The following RBPJ variants were observed in gnomAD, a reference collection of about 807,000 sequenced individuals.
RBPJ encodes recombining binding protein suppressor of hairless.
A neutral mutation model predicts 67.8 loss-of-function variants in RBPJ; 9 were observed. The ratio of observed to expected loss-of-function variants is 0.13; its 90% CI spans 0.08 to 0.23. RBPJ has a LOEUF of 0.23. Ranked by LOEUF, RBPJ falls within the 10% of genes least tolerant of loss-of-function variation. The probability of loss-of-function intolerance (pLI) is 1.00; values close to 1 mark genes in which losing one functional copy is unlikely to be tolerated. For missense variants in RBPJ, 305 were observed against 595.6 expected (o/e 0.51, Z 5.08); for synonymous variants, 198 against 203.3 (o/e 0.97, Z 0.22).
At chr4:26,237,323 C>CA (rs998957258) in intron 1 of RBPJ, among the ~76,000 whole-genome samples, 12 of 149,358 alleles carry the variant, frequency 8.0e-5, no homozygotes, top group African/African-American at 2.7e-4. Context: ...AACACTACTG[C>CA]AAAAAAAATA....
intron 1 of RBPJ, among the ~76,000 whole-genome samples, chr4:26,210,876 C>A (rs762929214): frequency 6.7e-6 from 1 of 150,320 alleles, no homozygotes; most frequent in Non-Finnish European, 1.5e-5. Context: ...TACTTTCAAC[C>A]GAAGAGCCTG....
chr4:26,145,266 G>A, the RBPJ span, among the ~76,000 whole-genome samples: 1 of 152,108 alleles, frequency 6.6e-6, no homozygotes, highest in African/African-American at 2.4e-5. Flanking sequence ...GTTGGAGTGG[G>A]TGGAGTCTTC....
At chr4:26,160,597 T>C (rs1042892510), upstream of RBPJ, among the ~76,000 whole-genome samples, 3 of 152,234 alleles carry the variant, frequency 2.0e-5, no homozygotes, top group African/African-American at 7.2e-5. Flanking sequence ...TTAGTTCTTG[T>C]ACATGTCCAC....
At chr4:26,302,770 A>G (rs1722113794) in intron 1 of RBPJ, among the ~76,000 whole-genome samples, 1 of 152,176 alleles carries the variant, frequency 6.6e-6, no homozygotes, top group African/African-American at 2.4e-5. Context: ...ATCAAATGAG[A>G]TCATCTCCAT....
chr4:26,169,806 C>T lies in RBPJ; in HGVS notation c.-167+6192C>T, dbSNP rs563106487. The stretch of plus-strand genomic sequence containing the variant: ...GGCGCCCCTCCCCCAGCCTCGCTGC[C>T]GCCTTGCAGTTTGATCTCAGACTGC... On this transcript the variant is annotated intron_variant, in intron 1 of 4. Transcript: ENST00000512351. 3.5e-4 allele frequency among the ~76,000 whole-genome samples: 53 copies of T among 152,330 alleles called. No homozygotes were observed. The South Asian group carries it at 3.7e-3, about 11-fold the overall frequency.
intron 1 of RBPJ, among the ~76,000 whole-genome samples, chr4:26,267,290 C>T (rs1720735137): frequency 6.6e-6 from 1 of 152,080 alleles, no homozygotes. Context: ...TACAGTCCAG[C>T]CTCCCAGAGT....
chr4:26,108,365 G>T, the RBPJ span, among the ~76,000 whole-genome samples: 1 of 152,254 alleles, frequency 6.6e-6, no homozygotes, highest in Non-Finnish European at 1.5e-5. Context: ...CTGAGAATCA[G>T]TGGGCAGTTC....
intron 1 of RBPJ, among the ~76,000 whole-genome samples, chr4:26,188,834 T>C (rs1195392742): frequency 6.6e-6 from 1 of 152,224 alleles, no homozygotes; most frequent in Non-Finnish European, 1.5e-5. Flanking sequence ...ATAAGATAGA[T>C]TACTAAAGAG....
intron 1 of RBPJ, among the ~76,000 whole-genome samples, chr4:26,215,207 AAAG>A (rs1718650255): frequency 7.6e-5 from 4 of 52,968 alleles, no homozygotes; most frequent in African/African-American, 3.4e-4. Flanking sequence ...AAAGAGAGAG[AAAG>A]AAAGAGAAAA....
chr4:26,372,303 A>T (rs1052735357), intron 1 of RBPJ, among the ~76,000 whole-genome samples: 1 of 152,250 alleles, frequency 6.6e-6, no homozygotes, highest in Non-Finnish European at 1.5e-5. Context: ...TGCTGTAGAC[A>T]GTAGAGACAC....
intron 4 of RBPJ, among the ~76,000 whole-genome samples, chr4:26,418,687 C>T (rs115968169): frequency 6.6e-6 from 1 of 152,174 alleles, no homozygotes; most frequent in African/African-American, 2.4e-5. Context: ...GCCATCTCAA[C>T]ATTTTTAAGC....
intron 1 of RBPJ, among the ~76,000 whole-genome samples, chr4:26,170,542 T>TA (rs147313399): frequency 0.43 from 53,350 of 125,502 alleles, 11,111 homozygotes; most frequent in Non-Finnish European, 0.51. Context: ...AGGCCCTGTC[T>TA]AAAAAAAAAA....
chr4:26,172,477 TC>T (rs1224192731), intron 1 of RBPJ, among the ~76,000 whole-genome samples: 1 of 152,138 alleles, frequency 6.6e-6, no homozygotes, highest in Non-Finnish European at 1.5e-5. Context: ...CTGAAAAGTC[TC>T]CTCCTGGGAA....
At chr4:26,294,516 A>G (rs960976864) in intron 1 of RBPJ, among the ~76,000 whole-genome samples, 3 of 152,136 alleles carry the variant, frequency 2.0e-5, no homozygotes, top group African/African-American at 7.2e-5. Context: ...AGAAGCAGGG[A>G]AGGTAACACA....
chr4:26,110,150 C>T, the RBPJ span, among the ~76,000 whole-genome samples: 1 of 152,186 alleles, frequency 6.6e-6, no homozygotes, highest in Non-Finnish European at 1.5e-5. The surrounding 1 kb of genome is among the most constrained non-coding windows in gnomAD (Gnocchi z 4.5). Flanking sequence ...GTCAATTTCT[C>T]TGTACTTCTT....
chr4:26,183,674 T>G (rs1303225247), intron 1 of RBPJ, among the ~76,000 whole-genome samples: 1 of 152,202 alleles, frequency 6.6e-6, no homozygotes, highest in Non-Finnish European at 1.5e-5. Context: ...CCAGCAGCCT[T>G]CTTACCAGGA....
chr4:26,312,420 C>T (rs931883650), intron 1 of RBPJ, among the ~76,000 whole-genome samples: 2 of 152,120 alleles, frequency 1.3e-5, no homozygotes, highest in African/African-American at 2.4e-5. Flanking sequence ...TGTGAGCCAC[C>T]ATGCCCGGCC....
chr4:26,226,516 G>T (rs906545017), intron 1 of RBPJ, among the ~76,000 whole-genome samples: 2 of 152,134 alleles, frequency 1.3e-5, no homozygotes, highest in African/African-American at 4.8e-5. Flanking sequence ...GAAAATTGGG[G>T]ATGGGGAAGG....
the RBPJ span, among the ~76,000 whole-genome samples, chr4:26,117,715 G>A: frequency 6.6e-6 from 1 of 152,142 alleles, no homozygotes; most frequent in African/African-American, 2.4e-5. Flanking sequence ...TACTCATCCT[G>A]AAAATGGAGT....
Sources: gnomAD v4.1 joint callset for allele counts (sites outside exome capture counted in the v4.1 genomes callset) on GRCh38, gnomAD v4.1.1 for gene constraint, Gnocchi (gnomAD v3.1) non-coding constraint, MANE v1.5 for transcripts, NCBI Gene and HGNC (gene_info 2026-07-23, HGNC 2026-07-21) for gene names.